ARHGAP26: variants seen among roughly 807,000 people sequenced by gnomAD.
ARHGAP26 encodes the protein rho GTPase-activating protein 26.
In ARHGAP26, 38 loss-of-function variants were observed where a neutral mutation model predicts 104.8. The ratio of observed to expected loss-of-function variants is 0.36; its 90% CI spans 0.28 to 0.48. ARHGAP26 has a LOEUF of 0.48. Ranked by LOEUF, ARHGAP26 falls within the 20% of genes least tolerant of loss-of-function variation. The pLI, the probability that ARHGAP26 is intolerant of heterozygous loss-of-function variation, is 0.99. For synonymous variants in ARHGAP26, 341 were observed against 340.0 expected (o/e 1.00, Z -0.03); for missense variants, 704 against 947.9 (o/e 0.74, Z 3.38).
chr5:143,021,016 C>T (rs916882299), intron 12 of ARHGAP26, among the ~76,000 whole-genome samples: 2 of 152,150 alleles, frequency 1.3e-5, no homozygotes, highest in African/African-American at 4.8e-5. Flanking sequence ...GCCAATTTGT[C>T]ATTCACACTG....
At chr5:143,111,576 A>G (rs998415611) in intron 17 of ARHGAP26, among the ~76,000 whole-genome samples, 1 of 152,216 alleles carries the variant, frequency 6.6e-6, no homozygotes, top group Admixed American at 6.5e-5. Context: ...GTTACTGTTG[A>G]TGGAAATCCT....
chr5:142,923,168 T>C (rs959381544), intron 10 of ARHGAP26, among the ~76,000 whole-genome samples: 4 of 151,846 alleles, frequency 2.6e-5, no homozygotes, highest in Admixed American at 6.6e-5. Flanking sequence ...GGTATGGTGG[T>C]TAATGGACTT....
chr5:142,881,948 T>C (rs1291737175), intron 4 of ARHGAP26, among the ~76,000 whole-genome samples: 1 of 152,206 alleles, frequency 6.6e-6, no homozygotes, highest in Non-Finnish European at 1.5e-5. Context: ...GGGAGGAAGA[T>C]TCTTGGGCAT....
chr5:142,878,948 G>A (rs1303578219), intron 3 of ARHGAP26, among the ~76,000 whole-genome samples: 1 of 152,106 alleles, frequency 6.6e-6, no homozygotes, highest in Non-Finnish European at 1.5e-5. Flanking sequence ...GCCATCAGAT[G>A]TCCAGAGGTG....
intron 11 of ARHGAP26, among the ~76,000 whole-genome samples, chr5:142,960,325 C>G (rs1206799282): frequency 6.6e-6 from 1 of 152,238 alleles, no homozygotes; most frequent in South Asian, 2.1e-4. Context: ...TCTCTCTCAT[C>G]GATGGATTCA....
At chr5:142,972,426 C>G (rs938633772) in intron 11 of ARHGAP26, among the ~76,000 whole-genome samples, 3 of 151,982 alleles carry the variant, frequency 2.0e-5, no homozygotes, top group African/African-American at 7.2e-5. Flanking sequence ...TAGGGGACTG[C>G]CTTAAAAGAC....
chr5:143,170,773 C>G (rs946111791), intron 20 of ARHGAP26: 23 of 152,324 alleles, frequency 1.5e-4, no homozygotes, highest in Admixed American at 1.4e-3. Flanking sequence ...TACTGCCCCA[C>G]CCACAACCAC....
At chr5:142,944,673 C>T (rs578112557) in intron 11 of ARHGAP26, among the ~76,000 whole-genome samples, 5 of 152,154 alleles carry the variant, frequency 3.3e-5, no homozygotes, top group South Asian at 2.1e-4. Context: ...GTTTATTGGC[C>T]GTTTCTATTT....
At chr5:142,955,113 C>CACACAG (rs911539423) in intron 11 of ARHGAP26, among the ~76,000 whole-genome samples, 1 of 151,528 alleles carries the variant, frequency 6.6e-6, no homozygotes, top group Non-Finnish European at 1.5e-5. Context: ...CACACACACA[C>CACACAG]ACACACACAC....
At chr5:143,165,685 C>G (rs964267477) in intron 20 of ARHGAP26, among the ~76,000 whole-genome samples, 2 of 152,190 alleles carry the variant, frequency 1.3e-5, no homozygotes, top group Non-Finnish European at 2.9e-5. Context: ...ACGTTGTACC[C>G]AATGGGTAAT....
intron 10 of ARHGAP26, among the ~76,000 whole-genome samples, chr5:142,930,811 T>G (rs1764608980): frequency 6.6e-6 from 1 of 152,176 alleles, no homozygotes; most frequent in African/African-American, 2.4e-5. Context: ...AAGAATCAAA[T>G]GTGACTTTTA....
rs187494774 is a variant in ARHGAP26 at position 142,923,703 on chromosome 5, A to G, written c.1029-8344A>G. Among the ~76,000 whole-genome samples, 247 of 152,304 alleles carry G rather than the reference A, an allele frequency of 1.6e-3. 1 individual carries two copies. Among genetic ancestry groups the G allele is most frequent in the Admixed American group, 2.7e-3 (41 of 15,302 alleles). On this transcript the variant is annotated intron_variant, in intron 10 of 22. Transcript: ENST00000645722. Reference sequence around the variant, plus strand: ...TGTTTTACGACTTCAGTCTCTCATAAAAATGTAAGAACTTATCTGATGTGG... The same window carrying G: ...TGTTTTACGACTTCAGTCTCTCATAGAAATGTAAGAACTTATCTGATGTGG...
intron 1 of ARHGAP26, among the ~76,000 whole-genome samples, chr5:142,820,458 C>CA (rs900508694): frequency 6.6e-6 from 1 of 151,552 alleles, no homozygotes; most frequent in African/African-American, 2.4e-5. Flanking sequence ...AAAAAACAAA[C>CA]AAAAAAAACC....
At chr5:143,164,057 T>TG (rs1246477021) in intron 20 of ARHGAP26, among the ~76,000 whole-genome samples, 5 of 151,542 alleles carry the variant, frequency 3.3e-5, no homozygotes, top group African/African-American at 1.2e-4. Flanking sequence ...TTTTTTTTTT[T>TG]TTCTCCCAAA....
At chr5:143,058,321 G>GTATAAAGAAT (rs1786166057) in intron 17 of ARHGAP26, among the ~76,000 whole-genome samples, 1 of 152,166 alleles carries the variant, frequency 6.6e-6, no homozygotes, top group Admixed American at 6.6e-5. Context: ...CTTTGAAGAA[G>GTATAAAGAAT]TATAAAGAAT....
rs571662865 is a variant in ARHGAP26 at position 143,085,570 on chromosome 5, C to T, written c.1538+27823C>T. 9.2e-5 allele frequency among the ~76,000 whole-genome samples: 14 copies of T among 152,232 alleles called. No homozygotes were observed. In the South Asian group the frequency reaches 2.9e-3, roughly 32 times the overall value. ...CTGCATATGATGATGAATTTTTAAGCCAGATAATTAGTCTGAGTTTTATAA... is the reference window on the plus strand; with the variant it reads ...CTGCATATGATGATGAATTTTTAAGTCAGATAATTAGTCTGAGTTTTATAA... On this transcript the variant is annotated intron_variant, in intron 17 of 22. Coordinates refer to ENST00000645722, the MANE Select transcript of ARHGAP26 (RefSeq NM_001135608.3).
intron 19 of ARHGAP26, 99 bp from the exon 20 acceptor site, chr5:143,147,132 C>A (rs946979536): frequency 5.3e-6 from 7 of 1,323,462 alleles, no homozygotes; most frequent in East Asian, 2.4e-5. Flanking sequence ...GATCAGAGAT[C>A]TTGATCCAGT....
intron 10 of ARHGAP26, among the ~76,000 whole-genome samples, chr5:142,925,454 A>G (rs934727828): frequency 1.3e-5 from 2 of 152,178 alleles, no homozygotes; most frequent in Non-Finnish European, 2.9e-5. Context: ...TGGGTCTGTA[A>G]TCTCATAAAC....
At chr5:143,162,978 G>A (rs1437715057) in intron 20 of ARHGAP26, among the ~76,000 whole-genome samples, 1 of 152,030 alleles carries the variant, frequency 6.6e-6, no homozygotes, top group Non-Finnish European at 1.5e-5. Context: ...TTAGCTGAGT[G>A]TGGTGGTATG....
Sources: allele counts gnomAD v4.1 joint callset (sites outside exome capture counted in the v4.1 genomes callset), GRCh38; gene constraint gnomAD v4.1.1; transcripts MANE v1.5; gene names NCBI Gene and HGNC (gene_info 2026-07-23, HGNC 2026-07-21).